The following CEBPZOS variants were observed in gnomAD, a reference collection of about 807,000 sequenced individuals.
The protein encoded by CEBPZOS is CEBPZ opposite strand, also known as protein CEBPZOS.
Under a neutral mutation model 4.8 loss-of-function variants are expected in CEBPZOS, and 10 were observed. The ratio of observed to expected loss-of-function variants is 2.07; its 90% CI spans 1.28 to 3.52. CEBPZOS has a LOEUF of 3.52. CEBPZOS is among the 30% of genes most tolerant of loss of function. The probability of loss-of-function intolerance (pLI) is 0.00; values close to 1 mark genes in which losing one functional copy is unlikely to be tolerated. For synonymous variants in CEBPZOS, 25 were observed against 14.2 expected (o/e 1.77, Z -1.72); for missense variants, 98 against 43.6 (o/e 2.25, Z -3.51).
chr2:37,212,187 A>G, intron 4 of CEBPZOS: 1 of 972,462 alleles, frequency 1.0e-6, no homozygotes, highest in Non-Finnish European at 1.5e-6. Context: ...TGCTTTATAA[A>G]TGTCAAAGAT....
downstream of CEBPZOS, chr2:37,214,860 A>C: frequency 1.4e-6 from 2 of 1,477,528 alleles, no homozygotes; most frequent in Middle Eastern, 1.8e-4. Flanking sequence ...CAGTTTCCCC[A>C]AATGAAACTA....
At chr2:37,206,483 C>G (rs1237836411), downstream of CEBPZOS, among the ~76,000 whole-genome samples, 5 of 152,196 alleles carry the variant, frequency 3.3e-5, no homozygotes, top group Admixed American at 1.3e-4. Context: ...TCAGCCTCCT[C>G]AGTAGCTGGG....
At chr2:37,201,480 A>G (rs1677228295) in intron 3 of CEBPZOS, 162 bp from the exon 4 acceptor site, 1 of 579,016 alleles carries the variant, frequency 1.7e-6, no homozygotes, top group Non-Finnish European at 3.1e-6. Flanking sequence ...CATTACAATG[A>G]TCAGAGATGC....
intron 4 of CEBPZOS, chr2:37,212,365 C>CTATCATCT (rs752736056): frequency 6.8e-6 from 11 of 1,613,444 alleles, no homozygotes; most frequent in Non-Finnish European, 2.5e-6. Flanking sequence ...CTTTCCAGAG[C>CTATCATCT]TGAAACAGTT....
Position 37,213,232 on chromosome 2 carries a change from T to C in CEBPZOS, c.*3-205T>C, listed in dbSNP as rs569501751. 7.2e-5 allele frequency among the ~76,000 whole-genome samples: 11 copies of C among 152,316 alleles called. No individual in the cohort carries two copies. The East Asian group carries it at 1.9e-3, about 27-fold the overall frequency. On this transcript the variant is annotated intron_variant, in intron 4 of 4. Transcript: ENST00000397064. ...GACTATTGCTATCAATTAGTACTGA[T>C]ATACTATAATAGATTATGAATAGTA...
chr2:37,199,651 T>C, intron 1 of CEBPZOS, 53 bp from the exon 2 acceptor site: 1 of 691,988 alleles, frequency 1.4e-6, no homozygotes, highest in Middle Eastern at 2.4e-4. Context: ...GAAATGATAA[T>C]AGTAGTTTAA....
rs893224165 is a variant in CEBPZOS at position 37,203,821 on chromosome 2, A to G, written c.*1961A>G. The G allele has an allele frequency of 5.9e-5, 9 of 152,120 alleles. No individual in the cohort carries two copies. The highest frequency in any genetic ancestry group is 1.3e-4 in the Non-Finnish European group (9 of 68,032). 9.4% of individuals were successfully genotyped at this position (152,120 alleles called of 1,614,324 possible). On this transcript the variant is annotated 3_prime_UTR_variant, in exon 5 of 5. Transcript: ENST00000402297. ...TATGACATGTGGTTTCCTATATCTG[A>G]CTTTTTTCATTTAGCATAACGTTTT...
chr2:37,211,963 C>T (rs765754873), intron 4 of CEBPZOS: 2 of 1,613,638 alleles, frequency 1.2e-6, no homozygotes, highest in South Asian at 2.2e-5. Flanking sequence ...TCCAGGTTAC[C>T]AAGTTCATCA....
chr2:37,198,839 C>T (rs1211591484), intron 1 of CEBPZOS, among the ~76,000 whole-genome samples: 1 of 152,164 alleles, frequency 6.6e-6, no homozygotes, highest in Non-Finnish European at 1.5e-5. Flanking sequence ...TCCCCTGCCC[C>T]CATTTGTATA....
In CEBPZOS at chr2:37,202,024, C is replaced by T. The variant is rs1677270236; in HGVS notation, c.*164C>T. The T allele has an allele frequency of 1.4e-6, 1 of 723,482 alleles. No individual in the cohort carries two copies. Among genetic ancestry groups the T allele is most frequent in the South Asian group, 2.6e-5 (1 of 38,502 alleles). 44.8% of individuals were successfully genotyped at this position (723,482 alleles called of 1,614,324 possible). A position where few individuals can be genotyped will look rare whatever the true frequency, so the allele number is the denominator to read the frequency against. On this transcript the variant is annotated 3_prime_UTR_variant, in exon 5 of 5. Transcript: ENST00000402297. ...GCCTTGGCCTGTGGTTTCCCACCCACTATACAAACCCACTGCTTGTTTGTT... is the reference window on the plus strand; with the variant it reads ...GCCTTGGCCTGTGGTTTCCCACCCATTATACAAACCCACTGCTTGTTTGTT...
chr2:37,202,987 T>A lies in CEBPZOS; in HGVS notation c.*1127T>A. 6.4e-7 allele frequency: 1 copy of A among 1,553,578 alleles called. No homozygotes were observed. Among genetic ancestry groups the A allele is most frequent in the Non-Finnish European group, 8.7e-7 (1 of 1,153,690 alleles). On this transcript the variant is annotated 3_prime_UTR_variant, in exon 5 of 5. Transcript: ENST00000402297. ...TACAAATAGGCTGGAATCATTTAAG[T>A]TTCTTTTCTTTTTTCTTGGCCCTAA...
intron 4 of CEBPZOS, chr2:37,211,962 C>T (rs1237394968): frequency 1.2e-6 from 2 of 1,613,666 alleles, no homozygotes; most frequent in Admixed American, 1.7e-5. Context: ...ATCCAGGTTA[C>T]CAAGTTCATC....
chr2:37,200,929 A>G (rs1677197719), intron 2 of CEBPZOS, 119 bp from the exon 3 acceptor site: 4 of 606,884 alleles, frequency 6.6e-6, no homozygotes, highest in Non-Finnish European at 1.2e-5. Context: ...CCTTCAAACA[A>G]ATTTCTAATC....
chr2:37,212,334 C>G (rs1677748202), intron 4 of CEBPZOS: 1 of 1,612,336 alleles, frequency 6.2e-7, no homozygotes, highest in Non-Finnish European at 8.5e-7. Flanking sequence ...AAGTATGTTA[C>G]CCAGCAAAAT....
rs1677314867 is a variant in CEBPZOS, at chr2:37,202,643, TCAAAAAAAAAAAAAAAAAA to T, written c.*784_*802del. The T allele has an allele frequency of 3.4e-6, 1 of 298,210 alleles. No homozygotes were observed. The highest frequency in any genetic ancestry group is 6.1e-5 in the African/African-American group (1 of 16,330). The allele number at this position is 298,210 out of a possible 1,614,324, so 18.5% of individuals were successfully genotyped here. On this transcript the variant is annotated 3_prime_UTR_variant, in exon 5 of 5. Transcript: ENST00000402297. Reference sequence around the variant, plus strand: ...CTGGGCAAGGGAGTGAGACGCTGTCTCAAAAAAAAAAAAAAAAAAAAAAAAAAAAAAAAAAAAAAAAAAA... The same window carrying T: ...CTGGGCAAGGGAGTGAGACGCTGTCTAAAAAAAAAAAAAAAAAAAAAAAAA...
At chr2:37,199,073 G>C (rs1677084658) in intron 1 of CEBPZOS, among the ~76,000 whole-genome samples, 1 of 152,174 alleles carries the variant, frequency 6.6e-6, no homozygotes, top group African/African-American at 2.4e-5. Flanking sequence ...AGGATTGTTT[G>C]AGCCCAGTGA....
chr2:37,208,163 C>A (rs2160391), downstream of CEBPZOS, among the ~76,000 whole-genome samples: 1 of 151,982 alleles, frequency 6.6e-6, no homozygotes, highest in Admixed American at 6.6e-5. Flanking sequence ...AATAAAAAAA[C>A]TGCCAACAAA....
chr2:37,204,705 TAATA>T lies in CEBPZOS; in HGVS notation c.*2849_*2852del, dbSNP rs1558466565. The T allele has an allele frequency of 6.6e-6, 1 of 152,216 alleles. No homozygotes were observed. The highest frequency in any genetic ancestry group is 1.5e-5 in the Non-Finnish European group (1 of 68,032). The allele number at this position is 152,216 out of a possible 1,614,324, so 9.4% of individuals were successfully genotyped here. On this transcript the variant is annotated 3_prime_UTR_variant, in exon 5 of 5. Coordinates refer to ENST00000402297, the MANE Select transcript of CEBPZOS (RefSeq NM_001322374.2). The stretch of plus-strand genomic sequence containing the variant: ...AATGTAGGGTGATCAATTAGTAAAT[TAATA>T]AATCTGAATCAATTAATAAATCTGT...
chr2:37,215,825 G>A (rs1677853367), downstream of CEBPZOS, among the ~76,000 whole-genome samples: 2 of 152,100 alleles, frequency 1.3e-5, no homozygotes, highest in Admixed American at 6.6e-5. Context: ...ATACATAGGG[G>A]TTGTGGATGA....
Sources: gnomAD v4.1 joint callset for allele counts (sites outside exome capture counted in the v4.1 genomes callset) on GRCh38, gnomAD v4.1.1 for gene constraint, MANE v1.5 for transcripts, NCBI Gene and HGNC (gene_info 2026-07-23, HGNC 2026-07-21) for gene names.